OSBPL9: variants seen among roughly 807,000 people sequenced by gnomAD.
OSBPL9 encodes the protein oxysterol binding protein like 9, also known as oxysterol-binding protein-related protein 9.
In OSBPL9, 40 loss-of-function variants were observed where a neutral mutation model predicts 106.6. That is an observed-to-expected ratio of 0.38 (90% CI 0.29 to 0.49). The LOEUF (loss-of-function observed/expected upper bound fraction) is 0.49, where lower values mean the gene tolerates loss of function less well. Ranked by LOEUF, OSBPL9 falls within the 20% of genes least tolerant of loss-of-function variation. The pLI is 0.97. For missense variants in OSBPL9, 609 were observed against 887.2 expected (o/e 0.69, Z 3.98); for synonymous variants, 269 against 295.4 (o/e 0.91, Z 0.92).
chr1:51,527,327 ATGG>A, the OSBPL9 span, among the ~76,000 whole-genome samples: 1 of 140,292 alleles, frequency 7.1e-6, no homozygotes, highest in South Asian at 2.2e-4. Flanking sequence ...TCCAATGATG[ATGG>A]TGATGATGAT....
chr1:51,776,092 A>G (rs1553193092), intron 14 of OSBPL9, among the ~76,000 whole-genome samples: 1 of 151,788 alleles, frequency 6.6e-6, no homozygotes, highest in African/African-American at 2.4e-5. Flanking sequence ...TCTTTTTTTC[A>G]TTGGTTAATC....
At chr1:51,730,069 CCAGG>C in intron 4 of OSBPL9, 2 of 1,274,822 alleles carry the variant, frequency 1.6e-6, no homozygotes, top group Non-Finnish European at 2.0e-6. Flanking sequence ...GTCCCGGCCG[CCAGG>C]CCGGAGCGCG....
At chr1:51,683,395 G>A (rs945615044) in intron 3 of OSBPL9, among the ~76,000 whole-genome samples, 6 of 150,384 alleles carry the variant, frequency 4.0e-5, no homozygotes, top group African/African-American at 1.5e-4. Context: ...GGTCAGGCTG[G>A]TCTCGAACTG....
chr1:51,539,306 T>G, the OSBPL9 span, among the ~76,000 whole-genome samples: 2,177 of 152,280 alleles, frequency 0.014, 39 homozygotes, highest in Non-Finnish European at 0.02. Flanking sequence ...TATTCTTGAT[T>G]CTTCCATTTT....
chr1:51,772,030 G>A (rs1557847397), intron 12 of OSBPL9, 40 bp from the exon 13 acceptor site: 1 of 1,465,450 alleles, frequency 6.8e-7, no homozygotes, highest in East Asian at 2.3e-5. Flanking sequence ...ATTCTAAATT[G>A]CTTTCTTTAG....
chr1:51,755,302 G>T (rs964581538), intron 8 of OSBPL9, among the ~76,000 whole-genome samples: 1 of 152,112 alleles, frequency 6.6e-6, no homozygotes, highest in Non-Finnish European at 1.5e-5. Flanking sequence ...TTACAAAATT[G>T]TACAGCCATC....
intron 4 of OSBPL9, among the ~76,000 whole-genome samples, chr1:51,722,625 A>G (rs901267976): frequency 2.6e-5 from 4 of 152,224 alleles, no homozygotes; most frequent in South Asian, 2.1e-4. Flanking sequence ...GTGGGGTTGT[A>G]TAGAGGGTAT....
At position 51,626,411 on chromosome 1, in the gene OSBPL9, A is replaced by G. The variant is rs185312695; in HGVS notation, c.111+9190A>G. 3.3e-5 allele frequency among the ~76,000 whole-genome samples: 5 copies of G among 152,118 alleles called. 1 individual carries two copies. The highest frequency in any genetic ancestry group is 1.2e-4 in the African/African-American group (5 of 41,468). On this transcript the variant is annotated intron_variant, in intron 1 of 23. Coordinates refer to ENST00000428468, the MANE Select transcript of OSBPL9 (RefSeq NM_024586.6). ...CTCTATTTAACTTCTTCCTCACTAC[A>G]GATTTTTCTTATTTAAGAATATTAT...
chr1:51,519,703 C>G, the OSBPL9 span, among the ~76,000 whole-genome samples: 2 of 152,180 alleles, frequency 1.3e-5, no homozygotes, highest in Non-Finnish European at 2.9e-5. Context: ...ATGCCAGGCT[C>G]TGTACTAGAC....
At chr1:51,749,348 T>C (rs902410175) in intron 7 of OSBPL9, among the ~76,000 whole-genome samples, 3 of 152,164 alleles carry the variant, frequency 2.0e-5, no homozygotes, top group Non-Finnish European at 4.4e-5. Context: ...GGTCTTGCTG[T>C]GTCATCCAGG....
chr1:51,784,737 A>AT, intron 20 of OSBPL9, 155 bp downstream of exon 20: 1 of 867,310 alleles, frequency 1.2e-6, no homozygotes, highest in East Asian at 2.6e-5. Flanking sequence ...CTGAAGTCCC[A>AT]TATCAGAAGA....
At chr1:51,529,436 G>T in the OSBPL9 span, among the ~76,000 whole-genome samples, 1 of 151,908 alleles carries the variant, frequency 6.6e-6, no homozygotes, top group African/African-American at 2.4e-5. Context: ...GTAGAGACAG[G>T]GTTTCACCGT....
intron 4 of OSBPL9, 153 bp from the exon 5 acceptor site, chr1:51,745,383 A>T (rs184680746): frequency 9.0e-7 from 1 of 1,109,176 alleles, no homozygotes; most frequent in South Asian, 1.7e-5. Context: ...CTGTTTAAAT[A>T]GACCTAACTG....
the OSBPL9 span, among the ~76,000 whole-genome samples, chr1:51,540,067 C>T: frequency 6.6e-6 from 1 of 152,158 alleles, no homozygotes. Context: ...AAGTATTCTT[C>T]TTTTTTTCTT....
Position 51,784,026 on chromosome 1 carries a change from G to A in OSBPL9, c.1624+1G>A. The A allele has an allele frequency of 6.2e-7, 1 of 1,604,504 alleles. No individual in the cohort carries two copies. Among genetic ancestry groups the A allele is most frequent in the Non-Finnish European group, 8.5e-7 (1 of 1,171,656 alleles). ...ATTGGGGTGCACAACATAGGGCAGG[G>A]TAAGTGTGTTGGCATTGGGTGGACT... On this transcript the variant is annotated splice_donor_variant, in intron 18 of 23. Transcript: ENST00000428468. LOFTEE classifies it high-confidence loss of function.
chr1:51,781,421 C>A, intron 16 of OSBPL9, 86 bp downstream of exon 16: 3 of 1,329,792 alleles, frequency 2.3e-6, no homozygotes, highest in African/African-American at 1.5e-5. Flanking sequence ...ATGATGAAAG[C>A]AATGATCAAA....
At chr1:51,641,311 G>T (rs1467329708) in intron 1 of OSBPL9, among the ~76,000 whole-genome samples, 2 of 152,060 alleles carry the variant, frequency 1.3e-5, no homozygotes, top group Non-Finnish European at 2.9e-5. Context: ...CATTCATGAG[G>T]GCTCTGCCCT....
At chr1:51,626,419 C>T (rs998674487) in intron 1 of OSBPL9, among the ~76,000 whole-genome samples, 14 of 151,952 alleles carry the variant, frequency 9.2e-5, no homozygotes, top group African/African-American at 3.4e-4. Flanking sequence ...ACAGATTTTT[C>T]TTATTTAAGA....
rs539786985 is a variant in OSBPL9, at chr1:51,683,582, C to T, written c.241+14070C>T. Among the ~76,000 whole-genome samples the T allele has an allele frequency of 3.2e-4, 49 of 151,854 alleles. 1 individual carries two copies. Among genetic ancestry groups the T allele is most frequent in the Non-Finnish European group, 6.2e-4 (42 of 67,922 alleles). On this transcript the variant is annotated intron_variant, in intron 3 of 23. Coordinates refer to ENST00000428468, the MANE Select transcript of OSBPL9 (RefSeq NM_024586.6). ...CTGAGGTGGGCAGATCACCTGAGTC[C>T]AGCAGTTCGAGACCAGCCTGGCCAA...
Sources: gnomAD v4.1 joint callset for allele counts (sites outside exome capture counted in the v4.1 genomes callset) on GRCh38, gnomAD v4.1.1 for gene constraint, MANE v1.5 for transcripts, NCBI Gene and HGNC (gene_info 2026-07-23, HGNC 2026-07-21) for gene names.